Variants in DYNC2I1 observed in about 807,000 individuals in gnomAD.
The protein encoded by DYNC2I1 is dynein 2 intermediate chain 1, also known as cytoplasmic dynein 2 intermediate chain 1.
In DYNC2I1, 89 loss-of-function variants were observed where a neutral mutation model predicts 133.4. The observed-to-expected ratio is 0.67, with a 90% CI of 0.56 to 0.80. The LOEUF (loss-of-function observed/expected upper bound fraction) is 0.80. Among genes scored for constraint, DYNC2I1 ranks in the 30% least tolerant of loss-of-function variants. The pLI is 0.00. For synonymous variants in DYNC2I1, 504 were observed against 484.3 expected (o/e 1.04, Z -0.54); for missense variants, 1,291 against 1,314.5 (o/e 0.98, Z 0.28).
intron 15 of DYNC2I1, 126 bp downstream of exon 15, chr7:158,918,995 C>A: frequency 9.0e-7 from 1 of 1,105,296 alleles, no homozygotes; most frequent in Admixed American, 3.2e-5. Flanking sequence ...CTGAGAAAGA[C>A]TGAGTTTCTG....
chr7:158,921,477 G>A (rs1849085578), intron 15 of DYNC2I1, among the ~76,000 whole-genome samples: 1 of 152,186 alleles, frequency 6.6e-6, no homozygotes, highest in South Asian at 2.1e-4. Flanking sequence ...AACGGGGTCA[G>A]GTCACAGCAC....
Position 158,946,000 on chromosome 7 carries a change from G to T in DYNC2I1, c.*221G>T, listed in dbSNP as rs1851849723. 6.8e-6 allele frequency: 3 copies of T among 441,312 alleles called. No homozygotes were observed. Among genetic ancestry groups the T allele is most frequent in the Admixed American group, 8.0e-5 (2 of 24,974 alleles). 27.3% of individuals were successfully genotyped at this position (441,312 alleles called of 1,614,324 possible). On this transcript the variant is annotated 3_prime_UTR_variant, in exon 25 of 25. Coordinates refer to ENST00000407559, the MANE Select transcript of DYNC2I1 (RefSeq NM_018051.5). This position sits in a 1 kb window ranked among gnomAD's most constrained non-coding sequence, Gnocchi z 4.1. ...TCTAGCATTTACAAAACTTCCAGGG[G>T]AATGTAGAGCCACGTCCAGGGTGCT... is the stretch of plus-strand genomic sequence containing the variant.
downstream of DYNC2I1, among the ~76,000 whole-genome samples, chr7:158,947,378 C>T (rs1310051567): frequency 6.6e-6 from 1 of 152,234 alleles, no homozygotes; most frequent in African/African-American, 2.4e-5. Flanking sequence ...AGTTCTTAGC[C>T]TCAGATTCCA....
intron 23 of DYNC2I1, among the ~76,000 whole-genome samples, chr7:158,938,803 C>T (rs1851036078): frequency 6.6e-6 from 1 of 151,672 alleles, no homozygotes; most frequent in Non-Finnish European, 1.5e-5. Flanking sequence ...GTTCTTCAAC[C>T]TGAAAGAAAA....
At chr7:158,854,064 T>C (rs1484214672), upstream of DYNC2I1, among the ~76,000 whole-genome samples, 2 of 151,918 alleles carry the variant, frequency 1.3e-5, no homozygotes, top group South Asian at 2.1e-4. Context: ...ATTGGTAGGA[T>C]TGGAGATGAA....
At chr7:158,856,469 G>C (rs192708189), upstream of DYNC2I1, 690 of 378,728 alleles carry the variant, frequency 1.8e-3, no homozygotes, top group Admixed American at 3.7e-3. Flanking sequence ...CATTGGGAGG[G>C]GCCGCGGGCA....
chr7:158,866,170 C>T (rs944937324), intron 1 of DYNC2I1, among the ~76,000 whole-genome samples: 11 of 152,244 alleles, frequency 7.2e-5, no homozygotes, highest in African/African-American at 2.2e-4. Context: ...AGCTAGTGGC[C>T]TTGTGCCTTC....
chr7:158,843,970 C>T, the DYNC2I1 span, among the ~76,000 whole-genome samples: 4 of 152,152 alleles, frequency 2.6e-5, no homozygotes, highest in South Asian at 2.1e-4. Context: ...TGTGAGGCAC[C>T]GGTGAGTGTG....
At chr7:158,876,059 GA>G (rs1843326908) in intron 3 of DYNC2I1, among the ~76,000 whole-genome samples, 1 of 152,194 alleles carries the variant, frequency 6.6e-6, no homozygotes, top group Non-Finnish European at 1.5e-5. Flanking sequence ...TGGGGCTGGA[GA>G]ATTTATAAAG....
Position 158,856,603 on chromosome 7 carries a change from C to T in DYNC2I1, c.-133C>T. On this transcript the variant is annotated 5_prime_UTR_variant, in exon 1 of 25. Transcript: ENST00000407559. ...CTGGGCAGTGCTTCTGGGCCCTCTG[C>T]TGCTCCTGCTTGTCGGTTGCTAGGC... 1 of 950,050 alleles carries T rather than the reference C, an allele frequency of 1.1e-6. No homozygotes were observed. Among genetic ancestry groups the T allele is most frequent in the Non-Finnish European group, 1.4e-6 (1 of 732,064 alleles). 58.9% of individuals were successfully genotyped at this position (950,050 alleles called of 1,614,324 possible). A position where few individuals can be genotyped will look rare whatever the true frequency, so the allele number is the denominator to read the frequency against.
intron 8 of DYNC2I1, among the ~76,000 whole-genome samples, chr7:158,898,985 A>G (rs187942245): frequency 5.3e-4 from 81 of 151,780 alleles, no homozygotes; most frequent in African/African-American, 1.9e-3. Flanking sequence ...CATTCATTTT[A>G]CTTGTGTATA....
At chr7:158,922,289 AT>A (rs1010689973) in intron 15 of DYNC2I1, 87 bp from the exon 16 acceptor site, 469 of 1,357,284 alleles carry the variant, frequency 3.5e-4, no homozygotes, top group Non-Finnish European at 4.0e-4. Context: ...ATGAAGCTGA[AT>A]TTTTTTTTGA....
At position 158,941,406 on chromosome 7, in the gene DYNC2I1, G is replaced by A. The variant is rs570213548; in HGVS notation, c.2779-519G>A. On this transcript the variant is annotated intron_variant, in intron 23 of 24. Transcript: ENST00000407559. Reference sequence around the variant, plus strand: ...TATACGCTGAATCTGTTGATTATTGGCCATTTTGGAAGAGAAAGTGTATCA... The same window carrying A: ...TATACGCTGAATCTGTTGATTATTGACCATTTTGGAAGAGAAAGTGTATCA... Among the ~76,000 whole-genome samples the A allele has an allele frequency of 1.3e-4, 20 of 152,270 alleles. No homozygotes were observed. The South Asian group carries it at 4.2e-3, about 32-fold the overall frequency.
the DYNC2I1 span, among the ~76,000 whole-genome samples, chr7:158,839,366 C>T: frequency 6.9e-6 from 1 of 145,332 alleles, no homozygotes; most frequent in Non-Finnish European, 1.5e-5. Context: ...AATATGACTC[C>T]GTAACACCTG....
At chr7:158,946,229 C>A (rs1183087709), downstream of DYNC2I1, 1 of 153,014 alleles carries the variant, frequency 6.5e-6, no homozygotes, top group Non-Finnish European at 1.5e-5. Context: ...TTCTTGAGCA[C>A]CTTCTTTTGG....
intron 23 of DYNC2I1, among the ~76,000 whole-genome samples, chr7:158,937,624 A>G (rs1482148653): frequency 1.3e-5 from 2 of 148,364 alleles, no homozygotes; most frequent in East Asian, 4.1e-4. Context: ...TGTCTCAAGA[A>G]AAAAAAAAAA....
Position 158,871,215 on chromosome 7 carries a change from A to T in DYNC2I1, c.143A>T (p.Asp48Val). ...EKKLRKESEM[D>V]LPEHKEPRCR... ...AAGCTGCGTAAGGAGTCTGAGATGG[A>T]CCTTCCTGAACATAAGGAGCCGAGG... The change falls in exon 3 of 25, where the codon GAC becomes GTC. Residue 48 changes from aspartate (D) to valine (V), a missense_variant. Asp to Val is a radical substitution (Grantham distance 152, BLOSUM62 -3). Transcript: ENST00000407559. The T allele has an allele frequency of 6.2e-7, 1 of 1,613,658 alleles. No individual in the cohort carries two copies. Among genetic ancestry groups the T allele is most frequent in the African/African-American group, 1.3e-5 (1 of 74,996 alleles).
At chr7:158,952,107 GAGCAGAAGAATCCACC>G (rs1359222472) in intron 4 of DYNC2I1, among the ~76,000 whole-genome samples, 1 of 152,206 alleles carries the variant, frequency 6.6e-6, no homozygotes, top group Non-Finnish European at 1.5e-5. Flanking sequence ...GTGGGAAGAG[GAGCAGAAGAATCCACC>G]AGCAGAAGAA....
chr7:158,902,625 C>A, intron 10 of DYNC2I1, 30 bp downstream of exon 10: 1 of 1,601,460 alleles, frequency 6.2e-7, no homozygotes, highest in Non-Finnish European at 8.5e-7. Flanking sequence ...TAATGGTGTC[C>A]GTGCTCTTAG....
Sources: gnomAD v4.1 joint callset for allele counts (sites outside exome capture counted in the v4.1 genomes callset) on GRCh38, gnomAD v4.1.1 for gene constraint, Gnocchi (gnomAD v3.1) non-coding constraint, MANE v1.5 for transcripts, NCBI Gene and HGNC (gene_info 2026-07-23, HGNC 2026-07-21) for gene names.